The following MBNL2 variants were observed in gnomAD, a reference collection of about 807,000 sequenced individuals.
The protein encoded by MBNL2 is muscleblind-like protein 2.
MBNL2 carries 17 observed loss-of-function variants against 41.9 expected under a neutral mutation model. The ratio of observed to expected loss-of-function variants is 0.41; its 90% CI spans 0.28 to 0.61. The LOEUF (loss-of-function observed/expected upper bound fraction) is 0.61. MBNL2 is among the 20% of genes least tolerant of loss of function. MBNL2 has a pLI of 0.35. For missense variants in MBNL2, 336 were observed against 505.6 expected, an observed-to-expected ratio of 0.66 and a Z score of 3.22; for synonymous variants, 195 against 182.9, an observed-to-expected ratio of 1.07 and a Z score of -0.53.
At chr13:97,324,363 G>A (rs771465826) in intron 2 of MBNL2, among the ~76,000 whole-genome samples, 3 of 152,176 alleles carry the variant, frequency 2.0e-5, no homozygotes, top group Non-Finnish European at 4.4e-5. Context: ...TTTCCTGTAC[G>A]GTTGGGGTTT....
the MBNL2 span, among the ~76,000 whole-genome samples, chr13:97,181,601 T>G: frequency 6.6e-6 from 1 of 152,216 alleles, no homozygotes; most frequent in African/African-American, 2.4e-5. Flanking sequence ...GAAAGATAAT[T>G]TATGCCTAAA....
intron 2 of MBNL2, among the ~76,000 whole-genome samples, chr13:97,277,628 G>A (rs1359731841): frequency 6.6e-6 from 1 of 152,040 alleles, no homozygotes; most frequent in Non-Finnish European, 1.5e-5. Context: ...ATCTTAAAGG[G>A]AAATTTTGTC....
chr13:97,329,890 T>C (rs1259587397), intron 2 of MBNL2, among the ~76,000 whole-genome samples: 2 of 152,102 alleles, frequency 1.3e-5, no homozygotes, highest in African/African-American at 4.8e-5. Flanking sequence ...CTACTCATTT[T>C]TCAGGTCTCA....
chr13:97,230,690 A>G (rs181536677), intron 1 of MBNL2, among the ~76,000 whole-genome samples: 24 of 152,362 alleles, frequency 1.6e-4, no homozygotes, highest in Middle Eastern at 3.4e-3. Context: ...TAAAAAATGA[A>G]CAACCAATAC....
At position 97,391,073 on chromosome 13, in the gene MBNL2, A is replaced by C. The variant is rs2066366921; in HGVS notation, c.1049-249A>C. Among the ~76,000 whole-genome samples, 4 of 152,174 alleles carry C rather than the reference A, an allele frequency of 2.6e-5. No individual in the cohort carries two copies. In the South Asian group the frequency reaches 8.3e-4, roughly 31 times the overall value. ...CATGCATGCCTCTCTATATGCTGCC[A>C]CAGTTTTCCAGAAAGTACTGTGCAT... On this transcript the variant is annotated intron_variant, in intron 8 of 8. Coordinates refer to ENST00000679496, the MANE Select transcript of MBNL2 (RefSeq NM_001382683.1).
At chr13:97,240,687 T>A (rs2044099552) in intron 1 of MBNL2, among the ~76,000 whole-genome samples, 1 of 152,230 alleles carries the variant, frequency 6.6e-6, no homozygotes, top group Non-Finnish European at 1.5e-5. Context: ...TGTTTACATT[T>A]GAAGGAGATG....
At chr13:97,162,403 G>T in the MBNL2 span, among the ~76,000 whole-genome samples, 1 of 152,216 alleles carries the variant, frequency 6.6e-6, no homozygotes, top group South Asian at 2.1e-4. Flanking sequence ...AGGTCCATGA[G>T]TTGGGGCTTA....
chr13:97,203,298 G>T, the MBNL2 span, among the ~76,000 whole-genome samples: 1 of 152,172 alleles, frequency 6.6e-6, no homozygotes, highest in East Asian at 1.9e-4. Flanking sequence ...AAGTCCTGGT[G>T]TTGTTAATTC....
At chr13:97,323,812 A>G (rs1566416897) in intron 2 of MBNL2, among the ~76,000 whole-genome samples, 2 of 152,146 alleles carry the variant, frequency 1.3e-5, no homozygotes, top group African/African-American at 2.4e-5. Context: ...TAGTAGGTGT[A>G]TATACTTATG....
At chr13:97,260,631 A>C (rs2048437131) in intron 1 of MBNL2, among the ~76,000 whole-genome samples, 1 of 152,168 alleles carries the variant, frequency 6.6e-6, no homozygotes, top group African/African-American at 2.4e-5. Flanking sequence ...GATCAGATGT[A>C]GGGTATCGGA....
chr13:97,270,917 G>A (rs2050814371), intron 1 of MBNL2, among the ~76,000 whole-genome samples: 2 of 152,084 alleles, frequency 1.3e-5, no homozygotes, highest in Admixed American at 1.3e-4. Context: ...TGGTACAGGT[G>A]CCTATGCTAA....
At chr13:97,207,766 A>G in the MBNL2 span, among the ~76,000 whole-genome samples, 1 of 152,198 alleles carries the variant, frequency 6.6e-6, no homozygotes, top group Non-Finnish European at 1.5e-5. Context: ...CATTAACTCA[A>G]AAGTCCACAG....
chr13:97,253,073 CTG>C (rs1189517431), intron 1 of MBNL2, among the ~76,000 whole-genome samples: 3 of 152,164 alleles, frequency 2.0e-5, no homozygotes, highest in Non-Finnish European at 2.9e-5. Context: ...TAACTGAAAT[CTG>C]AGACACTCAA....
chr13:97,378,202 T>TATTACTTAATTGAAACATTACTTG (rs1370881831), intron 8 of MBNL2, among the ~76,000 whole-genome samples: 2 of 152,252 alleles, frequency 1.3e-5, no homozygotes, highest in African/African-American at 4.8e-5. Flanking sequence ...TATTATGTAA[T>TATTACTTAATTGAAACATTACTTG]AACACTGGCA....
the MBNL2 span, among the ~76,000 whole-genome samples, chr13:97,173,582 T>C: frequency 2.6e-5 from 4 of 152,136 alleles, no homozygotes; most frequent in African/African-American, 7.2e-5. Flanking sequence ...CTTTATAGCC[T>C]GAGTGATGTT....
chr13:97,199,145 T>A, the MBNL2 span, among the ~76,000 whole-genome samples: 12 of 152,188 alleles, frequency 7.9e-5, no homozygotes, highest in Admixed American at 3.9e-4. Flanking sequence ...TCCTGCTGTT[T>A]CTGGCCTTTG....
chr13:97,365,550 C>T (rs965452479), intron 8 of MBNL2, among the ~76,000 whole-genome samples: 4 of 152,222 alleles, frequency 2.6e-5, no homozygotes, highest in Non-Finnish European at 5.9e-5. Context: ...TTTATCTCCT[C>T]TTTGCTGTGT....
upstream of MBNL2, chr13:97,222,152 T>C: frequency 2.9e-6 from 1 of 339,694 alleles, no homozygotes; most frequent in Non-Finnish European, 5.3e-6. Flanking sequence ...AGAGGGAAAT[T>C]CCTCTTTCAT....
At chr13:97,257,577 A>C (rs1488842805) in intron 1 of MBNL2, among the ~76,000 whole-genome samples, 1 of 152,240 alleles carries the variant, frequency 6.6e-6, no homozygotes, top group Non-Finnish European at 1.5e-5. Context: ...GATACAGCTA[A>C]CAGGACAGTG....
Sources: gnomAD v4.1 joint callset for allele counts (sites outside exome capture counted in the v4.1 genomes callset) on GRCh38, gnomAD v4.1.1 for gene constraint, MANE v1.5 for transcripts, NCBI Gene and HGNC (gene_info 2026-07-23, HGNC 2026-07-21) for gene names.